Variants in DDX1 observed in about 807,000 individuals in gnomAD.
DDX1 encodes the protein ATP-dependent RNA helicase DDX1.
DDX1 carries 28 observed loss-of-function variants against 108.7 expected under a neutral mutation model. The observed-to-expected ratio is 0.26, with a 90% CI of 0.19 to 0.35. The LOEUF (loss-of-function observed/expected upper bound fraction) is 0.35. DDX1 is among the 10% of genes least tolerant of loss of function. The pLI, the probability that DDX1 is intolerant of heterozygous loss-of-function variation, is 1.00. For missense variants in DDX1, 710 were observed against 884.5 expected, an observed-to-expected ratio of 0.80 and a Z score of 2.50; for synonymous variants, 295 against 288.9, an observed-to-expected ratio of 1.02 and a Z score of -0.21.
chr2:15,623,945 C>A (rs1300941487), intron 19 of DDX1, among the ~76,000 whole-genome samples: 1 of 150,808 alleles, frequency 6.6e-6, no homozygotes, highest in Non-Finnish European at 1.5e-5. Context: ...GGAAAAAAAA[C>A]CTAAACAAGA....
At position 15,603,293 on chromosome 2, in the gene DDX1, A is replaced by C; in HGVS notation, c.475+18A>C. 1 of 1,498,340 alleles carries C rather than the reference A, an allele frequency of 6.7e-7. No homozygotes were observed. The allele number at this position is 1,498,340 out of a possible 1,614,324, so 92.8% of individuals were successfully genotyped here. On this transcript the variant is annotated intron_variant, in intron 8 of 25. Coordinates refer to ENST00000233084, the MANE Select transcript of DDX1 (RefSeq NM_004939.3). ...GGACCTAGGTAAGTGTTTCTAAAATAACTGAATTGATTGATTTACATTTGG... is the reference window on the plus strand; with the variant it reads ...GGACCTAGGTAAGTGTTTCTAAAATCACTGAATTGATTGATTTACATTTGG...
chr2:15,603,086 C>G (rs1414687571), intron 7 of DDX1, 106 bp from the exon 8 acceptor site: 1 of 716,192 alleles, frequency 1.4e-6, no homozygotes, highest in African/African-American at 1.8e-5. Flanking sequence ...TATAATTCTT[C>G]ATTTGGTACA....
intron 17 of DDX1, among the ~76,000 whole-genome samples, chr2:15,620,644 A>G (rs992337908): frequency 1.3e-5 from 2 of 152,122 alleles, no homozygotes; most frequent in Non-Finnish European, 2.9e-5. Context: ...AATAACATAT[A>G]TTTATCTAAT....
At chr2:15,607,402 A>C in intron 13 of DDX1, 89 bp downstream of exon 13, 1 of 1,227,280 alleles carries the variant, frequency 8.1e-7, no homozygotes, top group Non-Finnish European at 1.2e-6. Context: ...ATGAAGTAGA[A>C]ATTCAGTGTG....
intron 15 of DDX1, 123 bp downstream of exon 15, chr2:15,617,465 T>G (rs1279650880): frequency 4.6e-6 from 2 of 439,408 alleles, no homozygotes; most frequent in African/African-American, 4.1e-5. Flanking sequence ...ATCATTGTTA[T>G]CAGTTTGGTA....
chr2:15,629,117 A>AG, intron 23 of DDX1, among the ~76,000 whole-genome samples: 1 of 152,306 alleles, frequency 6.6e-6, no homozygotes, highest in Non-Finnish European at 1.5e-5. Flanking sequence ...GTGCCATGGA[A>AG]GACCTTTCAT....
Position 15,597,296 on chromosome 2 carries a change from A to G in DDX1, c.163-79A>G, listed in dbSNP as rs191259475. 558 of 909,342 alleles carry G rather than the reference A, an allele frequency of 6.1e-4. 1 individual carries two copies. In the African/African-American group the frequency reaches 8.8e-3, roughly 14 times the overall value. 56.3% of individuals were successfully genotyped at this position (909,342 alleles called of 1,614,324 possible). On this transcript the variant is annotated intron_variant, in intron 4 of 25. Transcript: ENST00000233084. ...TATGATTAGTTGATGTGTGTGCATA[A>G]CTTTTGTCATTTATATTGGTTATTA...
intron 16 of DDX1, among the ~76,000 whole-genome samples, chr2:15,619,073 T>A (rs941193664): frequency 6.6e-6 from 1 of 152,138 alleles, no homozygotes; most frequent in Non-Finnish European, 1.5e-5. Context: ...GCTGCAGCCA[T>A]GCCTGGGATG....
At chr2:15,606,987 C>T (rs1201237173) in intron 12 of DDX1, among the ~76,000 whole-genome samples, 188 bp from the exon 13 acceptor site, 2 of 151,996 alleles carry the variant, frequency 1.3e-5, no homozygotes, top group Admixed American at 6.5e-5. Context: ...CCCCACCAGC[C>T]CAAATAGTTT....
At chr2:15,598,656 A>C (rs1189374030) in intron 5 of DDX1, among the ~76,000 whole-genome samples, 1 of 152,218 alleles carries the variant, frequency 6.6e-6, no homozygotes, top group East Asian at 1.9e-4. Flanking sequence ...AATGCAAGGG[A>C]AAACCTCAAA....
intron 13 of DDX1, among the ~76,000 whole-genome samples, chr2:15,612,147 C>CCCACCTCCCT (rs1471601161): frequency 1.3e-5 from 2 of 149,682 alleles, no homozygotes; most frequent in Admixed American, 1.3e-4. Flanking sequence ...GCTGACCCCC[C>CCCACCTCCCT]CCACCTCCCT....
chr2:15,596,612 G>A, intron 3 of DDX1, 122 bp from the exon 4 acceptor site: 1 of 788,170 alleles, frequency 1.3e-6, no homozygotes, highest in South Asian at 1.7e-5. Context: ...TGGATATCTG[G>A]AGGCACTGTG....
At chr2:15,618,129 GT>G (rs1558457592) in intron 15 of DDX1, 51 bp from the exon 16 acceptor site, 3 of 1,129,092 alleles carry the variant, frequency 2.7e-6, no homozygotes, top group South Asian at 1.6e-5. Flanking sequence ...TAAAACTTAC[GT>G]TTTTTTCCAT....
chr2:15,630,857 C>G lies in DDX1; in HGVS notation c.2174C>G (p.Ser725Cys). 6.2e-7 allele frequency: 1 copy of G among 1,614,118 alleles called. No individual in the cohort carries two copies. Among genetic ancestry groups the G allele is most frequent in the Non-Finnish European group, 8.5e-7 (1 of 1,179,974 alleles). ...LAALEKEAQT[S>C]FLHLGYLPNQ... ...GCCCTTGAAAAGGAGGCGCAGACAT[C>G]TTTCCTGCATCTTGGCTACCTTCCT... The change falls in exon 26 of 26, where the codon TCT (serine) becomes TGT (cysteine). Residue 725 changes from serine to cysteine, a missense_variant. Transcript: ENST00000233084.
chr2:15,604,404 C>A (rs371975475), intron 9 of DDX1, 33 bp from the exon 10 acceptor site: 40 of 1,376,912 alleles, frequency 2.9e-5, no homozygotes, highest in Non-Finnish European at 4.0e-5. Flanking sequence ...AATTTACTTT[C>A]TATTAATAGC....
chr2:15,630,053 G>A lies in DDX1; in HGVS notation c.2035G>A (p.Val679Ile). The A allele has an allele frequency of 6.2e-7, 1 of 1,613,308 alleles. No individual in the cohort carries two copies. The highest frequency in any genetic ancestry group is 8.5e-7 in the Non-Finnish European group (1 of 1,179,462). ...TTCTCAGGTTGAGCCGGATATAAAG[G>A]TACCAGTGGATGAATTTGATGGGAA... is the stretch of plus-strand genomic sequence containing the variant. Reference protein sequence around the residue: ...TISQVEPDIKVPVDEFDGKVT... With the variant: ...TISQVEPDIKIPVDEFDGKVT... Residue 679 changes from valine (V) to isoleucine (I), a missense_variant, in exon 25 of 26, where the codon GTA (valine) becomes ATA (isoleucine). Val to Ile is a conservative substitution (Grantham distance 29). Around this residue, in one of 3 missense-constraint regions of DDX1, gnomAD observed 661 missense variants for 810.2 expected, o/e 0.82. Transcript: ENST00000233084.
chr2:15,616,441 A>G (rs1665894569), intron 14 of DDX1, among the ~76,000 whole-genome samples: 1 of 152,224 alleles, frequency 6.6e-6, no homozygotes, highest in African/African-American at 2.4e-5. Flanking sequence ...CTGTGTGTCT[A>G]ATCACCATAC....
chr2:15,598,006 C>G (rs1665528931), intron 5 of DDX1, among the ~76,000 whole-genome samples: 1 of 152,110 alleles, frequency 6.6e-6, no homozygotes, highest in Non-Finnish European at 1.5e-5. Context: ...GATACTGTCT[C>G]TACCGTAATC....
intron 20 of DDX1, 48 bp downstream of exon 20, chr2:15,627,193 A>G: frequency 9.1e-7 from 1 of 1,095,828 alleles, no homozygotes; most frequent in Non-Finnish European, 1.4e-6. Context: ...GAGGGGCATT[A>G]TATCTAGTTT....
Sources: gnomAD v4.1 joint callset for allele counts (sites outside exome capture counted in the v4.1 genomes callset) on GRCh38, gnomAD v4.1.1 for gene constraint, gnomAD v4.1.1 regional missense constraint, MANE v1.5 for transcripts, NCBI Gene and HGNC (gene_info 2026-07-23, HGNC 2026-07-21) for gene names.